Variants in CDKAL1 observed in about 807,000 individuals in gnomAD.
CDKAL1 encodes threonylcarbamoyladenosine tRNA methylthiotransferase.
In CDKAL1, 32 loss-of-function variants were observed where a neutral mutation model predicts 68.2. The observed-to-expected ratio is 0.47, with a 90% CI of 0.35 to 0.63. The LOEUF (loss-of-function observed/expected upper bound fraction) is 0.63, where lower values mean the gene tolerates loss of function less well. CDKAL1 is among the 30% of genes least tolerant of loss of function. The pLI is 0.00. For synonymous variants in CDKAL1, 234 were observed against 244.3 expected, an observed-to-expected ratio of 0.96 and a Z score of 0.39; for missense variants, 606 against 696.7, an observed-to-expected ratio of 0.87 and a Z score of 1.47.
intron 4 of CDKAL1, among the ~76,000 whole-genome samples, chr6:20,648,598 A>T (rs1387068769): frequency 3.3e-5 from 5 of 152,182 alleles, no homozygotes; most frequent in Non-Finnish European, 5.9e-5. Context: ...TTATACAGAT[A>T]CTGTTGAAGG....
At position 20,713,683 on chromosome 6, in the gene CDKAL1, T is replaced by C. The variant is rs4712530; in HGVS notation, c.372-25836T>C. Among the ~76,000 whole-genome samples the C allele has an allele frequency of 7.3e-3, 1,116 of 152,272 alleles. 25 individuals carry two copies. In the East Asian group the frequency reaches 0.084, roughly 11 times the overall value. ...AAGATTTTTATGATCGATTTTGACTTAAAATTTTTCTTTTTTTTCTTGTTA... is the reference window on the plus strand; with the variant it reads ...AAGATTTTTATGATCGATTTTGACTCAAAATTTTTCTTTTTTTTCTTGTTA... On this transcript the variant is annotated intron_variant, in intron 5 of 15. Coordinates refer to ENST00000274695, the MANE Select transcript of CDKAL1 (RefSeq NM_017774.3).
rs554575543 is a variant in CDKAL1 at position 20,567,880 on chromosome 6, ATTT to A, written c.286+19186_286+19188del. On this transcript the variant is annotated intron_variant, in intron 4 of 15. Coordinates refer to ENST00000274695, the MANE Select transcript of CDKAL1 (RefSeq NM_017774.3). ...AGGTGTGCACCACCATGCCCAGCAA[ATTT>A]TTTTTTTTTTGAGACGGAGTCTCCC... 7.9e-3 allele frequency among the ~76,000 whole-genome samples: 1,148 copies of A among 144,676 alleles called. 11 individuals are homozygous for A. Among genetic ancestry groups the A allele is most frequent in the African/African-American group, 0.027 (1,070 of 39,708 alleles). The allele number at this position is 144,676 out of a possible 152,430, so 94.9% of individuals were successfully genotyped here. A position where few individuals can be genotyped will look rare whatever the true frequency, so the allele number is the denominator to read the frequency against.
chr6:21,001,669 G>A (rs1016593840), intron 11 of CDKAL1, among the ~76,000 whole-genome samples: 3 of 152,120 alleles, frequency 2.0e-5, no homozygotes, highest in Non-Finnish European at 2.9e-5. Flanking sequence ...AAAGAATATA[G>A]ATTTTTATTT....
intron 6 of CDKAL1, among the ~76,000 whole-genome samples, chr6:20,754,329 T>C (rs941528394): frequency 6.6e-6 from 1 of 152,120 alleles, no homozygotes; most frequent in South Asian, 2.1e-4. Context: ...TGAAGTAGTA[T>C]CTCATTGTGT....
chr6:20,592,006 T>C (rs1765611635), intron 4 of CDKAL1, among the ~76,000 whole-genome samples: 1 of 152,240 alleles, frequency 6.6e-6, no homozygotes, highest in African/African-American at 2.4e-5. Context: ...TCCATGAGCA[T>C]GGAATGTTTT....
chr6:21,025,375 T>C (rs1018064120), intron 11 of CDKAL1, among the ~76,000 whole-genome samples: 1 of 152,226 alleles, frequency 6.6e-6, no homozygotes, highest in Non-Finnish European at 1.5e-5. Flanking sequence ...AACACTGACA[T>C]GTCTGCTCTA....
chr6:21,069,770 CTTTCTTTTTTTTTTTTTTTTT>C lies in CDKAL1; in HGVS notation c.1236+4546_1236+4566del, dbSNP rs1410847707. On this transcript the variant is annotated intron_variant, in intron 12 of 15. Coordinates refer to ENST00000274695, the MANE Select transcript of CDKAL1 (RefSeq NM_017774.3). ...TGCCCAATAAAATCCCCCAGATTTT[CTTTCTTTTTTTTTTTTTTTTT>C]TTTTTTTTTTTTTAAAACAGAGCCT... 2.1e-4 allele frequency among the ~76,000 whole-genome samples: 9 copies of C among 42,282 alleles called. No individual in the cohort carries two copies. In the East Asian group the frequency reaches 8.3e-3, roughly 39 times the overall value. 27.7% of individuals were successfully genotyped at this position (42,282 alleles called of 152,430 possible). A position where few individuals can be genotyped will look rare whatever the true frequency, so the allele number is the denominator to read the frequency against.
At chr6:20,983,183 G>A (rs1554152106) in intron 10 of CDKAL1, among the ~76,000 whole-genome samples, 1 of 152,078 alleles carries the variant, frequency 6.6e-6, no homozygotes, top group Non-Finnish European at 1.5e-5. Flanking sequence ...AAAAATATAT[G>A]TTTATCAGTT....
intron 8 of CDKAL1, among the ~76,000 whole-genome samples, chr6:20,844,733 T>G (rs1005579656): frequency 2.0e-5 from 3 of 150,724 alleles, no homozygotes; most frequent in Admixed American, 1.3e-4. Flanking sequence ...AAAGAAAATA[T>G]CGACAACAGT....
chr6:20,824,117 T>A (rs1300221754), intron 8 of CDKAL1, among the ~76,000 whole-genome samples: 1 of 152,124 alleles, frequency 6.6e-6, no homozygotes, highest in African/African-American at 2.4e-5. Context: ...CCAAAGGTGT[T>A]GTGTCTTGCT....
rs149189457 is a variant in CDKAL1 at position 20,692,147 on chromosome 6, C to G, written c.371+42770C>G. 2.6e-3 allele frequency among the ~76,000 whole-genome samples: 403 copies of G among 152,220 alleles called. 1 individual carries two copies. The highest frequency in any genetic ancestry group is 8.2e-3 in the African/African-American group (342 of 41,526). On this transcript the variant is annotated intron_variant, in intron 5 of 15. Coordinates refer to ENST00000274695, the MANE Select transcript of CDKAL1 (RefSeq NM_017774.3). Reference sequence around the variant, plus strand: ...CTACCAATTGGAGTGTTTTTCTCCCCCCTCTGAGTAAATCAGGCTTAATAG... The same window carrying G: ...CTACCAATTGGAGTGTTTTTCTCCCGCCTCTGAGTAAATCAGGCTTAATAG...
At chr6:20,756,885 T>C (rs1256966513) in intron 6 of CDKAL1, 23 of 89,272 alleles carry the variant, frequency 2.6e-4, no homozygotes, top group African/African-American at 8.5e-4. Flanking sequence ...CCTTCCTTCC[T>C]TCCTTCCTTC....
intron 13 of CDKAL1, among the ~76,000 whole-genome samples, chr6:21,141,405 G>C (rs1478657120): frequency 6.6e-6 from 1 of 152,156 alleles, no homozygotes; most frequent in East Asian, 1.9e-4. Context: ...GCTTCCCTCT[G>C]CCAGGACATT....
chr6:20,691,886 A>G (rs140824379), intron 5 of CDKAL1, among the ~76,000 whole-genome samples: 78 of 152,084 alleles, frequency 5.1e-4, no homozygotes, highest in African/African-American at 1.8e-3. Context: ...TTTCTATTTT[A>G]TATATGTTAT....
chr6:21,205,227 C>T (rs997735667), intron 15 of CDKAL1, among the ~76,000 whole-genome samples: 1 of 152,186 alleles, frequency 6.6e-6, no homozygotes, highest in Non-Finnish European at 1.5e-5. Context: ...TTGCTTCTAC[C>T]ATTTGGCTGT....
rs74599462 is a variant in CDKAL1 at position 20,554,656 on chromosome 6, C to T, written c.286+5951C>T. On this transcript the variant is annotated intron_variant, in intron 4 of 15. Transcript: ENST00000274695. ...TACACGTTTTTGGTCTCTTCAGAACCTCACAATCCTTACACAATTTTGTTA... is the reference window on the plus strand; with the variant it reads ...TACACGTTTTTGGTCTCTTCAGAACTTCACAATCCTTACACAATTTTGTTA... Among the ~76,000 whole-genome samples, 450 of 152,274 alleles carry T rather than the reference C, an allele frequency of 3.0e-3. 3 individuals carry two copies. The highest frequency in any genetic ancestry group is 0.01 in the African/African-American group (421 of 41,554).
chr6:20,996,441 G>A (rs1281351613), intron 10 of CDKAL1, among the ~76,000 whole-genome samples: 4 of 152,132 alleles, frequency 2.6e-5, no homozygotes, highest in Non-Finnish European at 4.4e-5. Flanking sequence ...CCATCCACTT[G>A]AATATTTAAA....
chr6:20,891,623 C>A (rs938187587), intron 9 of CDKAL1, among the ~76,000 whole-genome samples: 1 of 151,208 alleles, frequency 6.6e-6, no homozygotes, highest in Non-Finnish European at 1.5e-5. Context: ...CAACCTCCGC[C>A]TCCCGGGTTC....
intron 9 of CDKAL1, among the ~76,000 whole-genome samples, chr6:20,860,563 G>A (rs187366022): frequency 2.6e-5 from 4 of 152,130 alleles, no homozygotes; most frequent in South Asian, 2.1e-4. Context: ...GGTGGCTCAC[G>A]CCTGTAATCA....
Sources: gnomAD v4.1 joint callset for allele counts (sites outside exome capture counted in the v4.1 genomes callset) on GRCh38, gnomAD v4.1.1 for gene constraint, MANE v1.5 for transcripts, NCBI Gene and HGNC (gene_info 2026-07-23, HGNC 2026-07-21) for gene names.